DHCR7: variants seen among roughly 807,000 people sequenced by gnomAD.
DHCR7 encodes the protein 7-DHC reductase.
DHCR7 carries 40 observed loss-of-function variants against 43.3 expected under a neutral mutation model. That is an observed-to-expected ratio of 0.92 (90% CI 0.72 to 1.20). DHCR7 has a LOEUF of 1.20. DHCR7 is among the 50% of genes most tolerant of loss of function. The pLI is 0.00. For missense variants in DHCR7, 608 were observed against 644.6 expected, an observed-to-expected ratio of 0.94 and a Z score of 0.62; for synonymous variants, 298 against 271.4, an observed-to-expected ratio of 1.10 and a Z score of -0.96.
intron 8 of DHCR7, among the ~76,000 whole-genome samples, chr11:71,437,107 A>G (rs1386719947): frequency 6.6e-6 from 1 of 152,142 alleles, no homozygotes; most frequent in East Asian, 1.9e-4. Context: ...TGCTGTGGGA[A>G]TCCTGGTTTT....
chr11:71,434,891 C>A lies in DHCR7; in HGVS notation c.*484G>T. 2.8e-6 allele frequency: 1 copy of A among 355,596 alleles called. No homozygotes were observed. Among genetic ancestry groups the A allele is most frequent in the Non-Finnish European group, 5.6e-6 (1 of 179,922 alleles). 22.0% of individuals were successfully genotyped at this position (355,596 alleles called of 1,614,324 possible). A position where few individuals can be genotyped will look rare whatever the true frequency, so the allele number is the denominator to read the frequency against. On this transcript the variant is annotated 3_prime_UTR_variant, in exon 9 of 9. Transcript: ENST00000355527. ...AGGAGAAACGGCGCACGGGCCCCAC[C>A]CACGACTGCAGAGCAGGCAGGGGAG... is the stretch of plus-strand genomic sequence containing the variant.
intron 2 of DHCR7, among the ~76,000 whole-genome samples, chr11:71,429,082 T>C (rs1949215267): frequency 6.6e-6 from 1 of 152,218 alleles, no homozygotes; most frequent in African/African-American, 2.4e-5. Context: ...GTTCTGCAAC[T>C]GAAATCCCTG....
chr11:71,431,287 C>A (rs180784709), downstream of DHCR7, among the ~76,000 whole-genome samples: 8 of 152,294 alleles, frequency 5.3e-5, no homozygotes, highest in East Asian at 1.5e-3. Flanking sequence ...GGGAAGTGCA[C>A]CAAACAGCAA....
At position 71,435,627 on chromosome 11, in the gene DHCR7, G is replaced by C. The variant is rs1949268937; in HGVS notation, c.1176C>G (p.Ser392Arg). ...YTSADGQRHH[S>R]KLLVSGFWGV... is the part of the protein sequence containing the mutation. ...CCCAGAAGCCCGACACCAGCAGCTT[G>C]CTGTGGTGCCTCTGCCCATCGGCGG... The change falls in exon 9 of 9, where the codon AGC becomes AGG. Residue 392 changes from serine (S) to arginine (R), a missense_variant. Ser to Arg is a moderately radical substitution (Grantham distance 110). Coordinates refer to ENST00000355527, the MANE Select transcript of DHCR7 (RefSeq NM_001360.3). 1 of 1,611,602 alleles carries C rather than the reference G, an allele frequency of 6.2e-7. No homozygotes were observed. Among genetic ancestry groups the C allele is most frequent in the Non-Finnish European group, 8.5e-7 (1 of 1,179,854 alleles).
Position 71,438,903 on chromosome 11 carries a change from G to C in DHCR7, c.807C>G (p.Ala269=). ...QRELHSHVTN[A]MVLVNVLQAI... ...CCTGCAGGACGTTGACCAGGACCATGGCATTGGTCACATGGCTGTGGAGCT... is the reference window on the plus strand; with the variant it reads ...CCTGCAGGACGTTGACCAGGACCATCGCATTGGTCACATGGCTGTGGAGCT... The change falls in exon 7 of 9, where the codon GCC becomes GCG. Residue 269 remains alanine (A), a synonymous_variant. Transcript: ENST00000355527. 6.2e-7 allele frequency: 1 copy of C among 1,613,902 alleles called. No homozygotes were observed. The highest frequency in any genetic ancestry group is 1.1e-5 in the South Asian group (1 of 91,082).
chr11:71,432,063 T>A (rs1320634572), downstream of DHCR7, among the ~76,000 whole-genome samples: 2 of 152,252 alleles, frequency 1.3e-5, no homozygotes, highest in East Asian at 3.8e-4. Flanking sequence ...TGAACTCAAG[T>A]GATCTGCCCA....
At chr11:71,444,284 G>T in intron 3 of DHCR7, 69 bp from the exon 4 acceptor site, 1 of 1,317,598 alleles carries the variant, frequency 7.6e-7, no homozygotes. Flanking sequence ...ACCCTAAGAG[G>T]CTCTGTGTGG....
intron 8 of DHCR7, among the ~76,000 whole-genome samples, chr11:71,436,391 A>G (rs893671746): frequency 3.3e-5 from 5 of 152,220 alleles, no homozygotes; most frequent in Admixed American, 3.3e-4. Flanking sequence ...CTGGCCATGC[A>G]CAGTGGCTCA....
rs1349236101 is a variant in DHCR7 at position 71,444,399 on chromosome 11, T to C, written c.99-184A>G. Reference sequence around the variant, plus strand: ...AAGCCACTCAACATGCCTGCTCTACTGTAGTTGATTAACTGGTGGCACTAT... The same window carrying C: ...AAGCCACTCAACATGCCTGCTCTACCGTAGTTGATTAACTGGTGGCACTAT... On this transcript the variant is annotated intron_variant, in intron 3 of 8. Transcript: ENST00000355527. 3 of 627,014 alleles carry C rather than the reference T, an allele frequency of 4.8e-6. No homozygotes were observed. The Admixed American group carries it at 7.6e-5, about 16-fold the overall frequency. 38.8% of individuals were successfully genotyped at this position (627,014 alleles called of 1,614,324 possible). A position where few individuals can be genotyped will look rare whatever the true frequency, so the allele number is the denominator to read the frequency against.
chr11:71,444,105 C>T lies in DHCR7; in HGVS notation c.209G>A (p.Gly70Asp), dbSNP rs1949377549. Reference protein sequence around the residue: ...ACDQYSCALTGPVVDIVTGHA... With the variant: ...ACDQYSCALTDPVVDIVTGHA... ...TCCGGTGACGATGTCCACCACAGGGCCAGTCAGGGCGCAGCTGTACTGGTC... is the reference window on the plus strand; with the variant it reads ...TCCGGTGACGATGTCCACCACAGGGTCAGTCAGGGCGCAGCTGTACTGGTC... Residue 70 changes from glycine (G) to aspartate (D), a missense_variant, in exon 4 of 9, where the codon GGC becomes GAC. By Grantham distance (94) the Gly-to-Asp change is moderately conservative. Transcript: ENST00000355527. 1 of 1,612,818 alleles carries T rather than the reference C, an allele frequency of 6.2e-7. No homozygotes were observed. The highest frequency in any genetic ancestry group is 8.5e-7 in the Non-Finnish European group (1 of 1,179,532).
rs765302789 is a variant in DHCR7 at position 71,435,852 on chromosome 11, G to A, written c.964-13C>T. ...CCAAGTACAGACCCTGGGGGGCGAG[G>A]GGGAAGGGGTCAAGCGGTGCTTTGC... is the stretch of plus-strand genomic sequence containing the variant. On this transcript the variant is annotated splice_polypyrimidine_tract_variant and intron_variant, in intron 8 of 8. Coordinates refer to ENST00000355527, the MANE Select transcript of DHCR7 (RefSeq NM_001360.3). The A allele has an allele frequency of 1.3e-6, 2 of 1,594,262 alleles. No homozygotes were observed. Among genetic ancestry groups the A allele is most frequent in the South Asian group, 1.1e-5 (1 of 90,634 alleles).
rs764443524 is a variant in DHCR7, at chr11:71,442,351, C to T, written c.324G>A (p.Val108=). 11 of 1,613,228 alleles carry T rather than the reference C, an allele frequency of 6.8e-6. No individual in the cohort carries two copies. Among genetic ancestry groups the T allele is most frequent in the African/African-American group, 6.7e-5 (5 of 74,878 alleles). The stretch of plus-strand genomic sequence containing the variant: ...AGTCAGGGAGAGACGTGTACAGAAG[C>T]ACCTGAAACACACAAGCAGCCTGAT... ...QLYTLWVTFQ[V]LLYTSLPDFC... The change falls in exon 5 of 9, where the codon GTG becomes GTA. Residue 108 remains valine (V), a splice_region_variant and synonymous_variant. Coordinates refer to ENST00000355527, the MANE Select transcript of DHCR7 (RefSeq NM_001360.3).
At chr11:71,442,615 T>C (rs1949361425) in intron 4 of DHCR7, among the ~76,000 whole-genome samples, 2 of 152,126 alleles carry the variant, frequency 1.3e-5, no homozygotes, top group Admixed American at 1.3e-4. Context: ...CCAGTCACCT[T>C]TTTAAAATGG....
chr11:71,441,724 A>G (rs1372417690), intron 5 of DHCR7, among the ~76,000 whole-genome samples: 1 of 152,176 alleles, frequency 6.6e-6, no homozygotes, highest in Admixed American at 6.5e-5. Context: ...TAGGGAGGTC[A>G]GGGCTGAGGG....
At chr11:71,444,249 C>T in intron 3 of DHCR7, 34 bp from the exon 4 acceptor site, 1 of 1,531,644 alleles carries the variant, frequency 6.5e-7, no homozygotes, top group Non-Finnish European at 8.9e-7. Flanking sequence ...CACACTGGGG[C>T]CCATCTGCCC....
chr11:71,442,934 T>C (rs1379890717), intron 4 of DHCR7, among the ~76,000 whole-genome samples: 1 of 152,202 alleles, frequency 6.6e-6, no homozygotes, highest in East Asian at 1.9e-4. Flanking sequence ...GAAGAAAATG[T>C]TGTTCCAATC....
At position 71,444,231 on chromosome 11, in the gene DHCR7, C is replaced by T. The variant is rs993275449; in HGVS notation, c.99-16G>A. ...GTCCACCTCCCTGCGAGGACGGATGCAGGCAGTCACACTGGGGCCCATCTG... is the reference window on the plus strand; with the variant it reads ...GTCCACCTCCCTGCGAGGACGGATGTAGGCAGTCACACTGGGGCCCATCTG... On this transcript the variant is annotated splice_polypyrimidine_tract_variant and intron_variant, in intron 3 of 8. Transcript: ENST00000355527. The T allele has an allele frequency of 7.0e-6, 11 of 1,560,496 alleles. No individual in the cohort carries two copies. Among genetic ancestry groups the T allele is most frequent in the African/African-American group, 4.1e-5 (3 of 73,700 alleles).
intron 7 of DHCR7, 88 bp downstream of exon 7, chr11:71,438,791 T>G: frequency 7.2e-7 from 1 of 1,379,400 alleles, no homozygotes; most frequent in Non-Finnish European, 1.0e-6. Flanking sequence ...AAGCAGTAGA[T>G]TAAGGTCATG....
chr11:71,438,021 G>C, intron 7 of DHCR7, 78 bp from the exon 8 acceptor site: 1 of 1,557,392 alleles, frequency 6.4e-7, no homozygotes, highest in South Asian at 1.1e-5. Flanking sequence ...CACACTCCAC[G>C]CAGATGCAGC....
Sources: gnomAD v4.1 joint callset for allele counts (sites outside exome capture counted in the v4.1 genomes callset) on GRCh38, gnomAD v4.1.1 for gene constraint, MANE v1.5 for transcripts, NCBI Gene and HGNC (gene_info 2026-07-23, HGNC 2026-07-21) for gene names.